The following CNIH3 variants were observed in gnomAD, a reference collection of about 807,000 sequenced individuals.
CNIH3 encodes the protein cornichon family AMPA receptor auxiliary protein 3, also known as protein cornichon homolog 3.
In CNIH3, 14 loss-of-function variants were observed where a neutral mutation model predicts 24.1. The observed-to-expected ratio is 0.58, with a 90% CI of 0.38 to 0.91. CNIH3 has a LOEUF of 0.91. Ranked by LOEUF, CNIH3 falls within the 40% of genes least tolerant of loss-of-function variation. The probability of loss-of-function intolerance (pLI) is 0.00; values close to 1 mark genes in which losing one functional copy is unlikely to be tolerated. For missense variants in CNIH3, 178 were observed against 196.8 expected, an observed-to-expected ratio of 0.90 and a Z score of 0.57; for synonymous variants, 68 against 73.8, an observed-to-expected ratio of 0.92 and a Z score of 0.40.
chr1:224,478,775 A>C (rs1334844155), intron 1 of CNIH3, among the ~76,000 whole-genome samples: 2 of 152,208 alleles, frequency 1.3e-5, no homozygotes, highest in Non-Finnish European at 2.9e-5. Flanking sequence ...TTACAAAAGA[A>C]AGAGTTTTAT....
chr1:224,595,404 C>T (rs1450999034), intron 3 of CNIH3, among the ~76,000 whole-genome samples: 1 of 152,180 alleles, frequency 6.6e-6, no homozygotes, highest in South Asian at 2.1e-4. Flanking sequence ...ACAAATTGTG[C>T]CTAAGATGGC....
At chr1:224,548,746 CTT>C (rs1199686678) in intron 3 of CNIH3, among the ~76,000 whole-genome samples, 1 of 151,276 alleles carries the variant, frequency 6.6e-6, no homozygotes, top group Non-Finnish European at 1.5e-5. Flanking sequence ...AGATACTACT[CTT>C]AATATCACAG....
chr1:224,621,538 C>T (rs148907959), intron 1 of CNIH3, among the ~76,000 whole-genome samples: 13 of 152,288 alleles, frequency 8.5e-5, no homozygotes, highest in African/African-American at 2.9e-4. Context: ...TGCCCCTGTC[C>T]GTTCTGGCAT....
At chr1:224,694,700 G>A (rs537751350) in intron 3 of CNIH3, among the ~76,000 whole-genome samples, 2 of 152,290 alleles carry the variant, frequency 1.3e-5, no homozygotes, top group East Asian at 1.9e-4. Flanking sequence ...ATCAGCCAAC[G>A]AGTGGAAAGA....
At chr1:224,611,262 G>A (rs745774527) in intron 3 of CNIH3, 2 of 152,128 alleles carry the variant, frequency 1.3e-5, no homozygotes, top group African/African-American at 2.4e-5. Flanking sequence ...GACATTAATC[G>A]TGTCTTGGAG....
chr1:224,479,434 G>A lies in CNIH3; in HGVS notation n.204-36307G>A, dbSNP rs12060253. ...CTCCCAAAGTGCTGGGATTACAGGCGTGAGCCACTGCGCCCGGCAGTCCCC... is the reference window on the plus strand; with the variant it reads ...CTCCCAAAGTGCTGGGATTACAGGCATGAGCCACTGCGCCCGGCAGTCCCC... On this transcript the variant is annotated intron_variant and non_coding_transcript_variant, in intron 1 of 5. Transcript: ENST00000471578. Among the ~76,000 whole-genome samples, 196 of 151,734 alleles carry A rather than the reference G, an allele frequency of 1.3e-3. 4 individuals carry two copies. In the East Asian group the frequency reaches 0.028, roughly 22 times the overall value.
At chr1:224,641,358 C>T (rs1684352782) in intron 1 of CNIH3, among the ~76,000 whole-genome samples, 1 of 152,210 alleles carries the variant, frequency 6.6e-6, no homozygotes, top group South Asian at 2.1e-4. Context: ...GGAACCCTCC[C>T]CTCCATCCTT....
chr1:224,621,570 C>G (rs1013730938), intron 1 of CNIH3, among the ~76,000 whole-genome samples: 1 of 152,084 alleles, frequency 6.6e-6, no homozygotes, highest in South Asian at 2.1e-4. Flanking sequence ...GTGGGATGTC[C>G]GCAGCTCCAG....
intron 2 of CNIH3, among the ~76,000 whole-genome samples, chr1:224,533,846 T>A (rs891362097): frequency 5.9e-5 from 9 of 152,214 alleles, no homozygotes; most frequent in African/African-American, 1.9e-4. Context: ...TCACAGGTAC[T>A]GAGGGTTAAA....
At chr1:224,624,629 G>A (rs1039493966) in intron 1 of CNIH3, among the ~76,000 whole-genome samples, 27 of 152,026 alleles carry the variant, frequency 1.8e-4, no homozygotes, top group Non-Finnish European at 1.2e-4. Flanking sequence ...TCAGAGCATC[G>A]TGGTCCCTTC....
At chr1:224,632,444 G>C (rs1029184488) in intron 1 of CNIH3, among the ~76,000 whole-genome samples, 1 of 152,154 alleles carries the variant, frequency 6.6e-6, no homozygotes, top group Admixed American at 6.5e-5. Flanking sequence ...ATATCTAGCA[G>C]AATCTCATTG....
At chr1:224,596,033 GA>G (rs1190631339) in intron 3 of CNIH3, among the ~76,000 whole-genome samples, 1 of 152,234 alleles carries the variant, frequency 6.6e-6, no homozygotes, top group Non-Finnish European at 1.5e-5. Context: ...AAGTTACCCA[GA>G]AGGTCTAGCT....
chr1:224,591,887 G>A (rs1681771312), downstream of CNIH3, among the ~76,000 whole-genome samples: 1 of 152,210 alleles, frequency 6.6e-6, no homozygotes, highest in South Asian at 2.1e-4. Context: ...TGCAGAGTGT[G>A]AGAATTAAAA....
At chr1:224,620,292 A>G (rs764655343) in intron 1 of CNIH3, among the ~76,000 whole-genome samples, 1 of 152,260 alleles carries the variant, frequency 6.6e-6, no homozygotes, top group Non-Finnish European at 1.5e-5. Context: ...AAACTGGATC[A>G]GAGAGATTAC....
chr1:224,718,213 A>C (rs1167373151), intron 3 of CNIH3, among the ~76,000 whole-genome samples: 1 of 152,144 alleles, frequency 6.6e-6, no homozygotes, highest in East Asian at 1.9e-4. Context: ...ACGATACTAG[A>C]TTGGCAGGGA....
At chr1:224,585,215 C>T (rs1020909887) in intron 5 of CNIH3, among the ~76,000 whole-genome samples, 20 of 152,292 alleles carry the variant, frequency 1.3e-4, no homozygotes, top group African/African-American at 4.6e-4. Flanking sequence ...GCCCGTTTCC[C>T]TAGATCGAAT....
At chr1:224,735,645 T>A (rs1005790037) in intron 5 of CNIH3, among the ~76,000 whole-genome samples, 2 of 1,278 alleles carry the variant, frequency 1.6e-3, no homozygotes, top group South Asian at 0.12. Flanking sequence ...CAGCATTTTT[T>A]ATTTTTTATT....
intron 1 of CNIH3, among the ~76,000 whole-genome samples, chr1:224,506,840 T>C: frequency 6.6e-6 from 1 of 152,016 alleles, no homozygotes; most frequent in East Asian, 1.9e-4. Context: ...TGATGAGAAG[T>C]ATTCATACTC....
intron 3 of CNIH3, among the ~76,000 whole-genome samples, chr1:224,725,413 A>G (rs995136905): frequency 2.0e-5 from 3 of 152,192 alleles, no homozygotes; most frequent in East Asian, 1.9e-4. Context: ...GTTGAGTATT[A>G]TGTAACTGTA....
Sources: allele counts gnomAD v4.1 joint callset (sites outside exome capture counted in the v4.1 genomes callset), GRCh38; gene constraint gnomAD v4.1.1; transcripts MANE v1.5; gene names NCBI Gene and HGNC (gene_info 2026-07-23, HGNC 2026-07-21).